The following DNAH5 variants were observed in gnomAD, a reference collection of about 807,000 sequenced individuals.
DNAH5 encodes the protein axonemal beta dynein heavy chain 5.
DNAH5 carries 372 observed loss-of-function variants against 518.2 expected under a neutral mutation model. The ratio of observed to expected loss-of-function variants is 0.72; its 90% CI spans 0.66 to 0.78. The LOEUF (loss-of-function observed/expected upper bound fraction) is 0.78. Among genes scored for constraint, DNAH5 ranks in the 30% least tolerant of loss-of-function variants. The pLI is 0.00. For missense variants in DNAH5, 5,523 were observed against 5,687.0 expected (o/e 0.97, Z 0.93); for synonymous variants, 2,039 against 2,025.9 (o/e 1.01, Z -0.17).
intron 31 of DNAH5, among the ~76,000 whole-genome samples, chr5:13,849,033 C>T (rs1056727176): frequency 2.6e-5 from 4 of 152,228 alleles, no homozygotes; most frequent in Non-Finnish European, 4.4e-5. Flanking sequence ...GGGTGGACAA[C>T]CATGTACGCA....
Position 13,842,422 on chromosome 5 carries a change from GA to G in DNAH5, c.5272-519del, listed in dbSNP as rs1223116727. Among the ~76,000 whole-genome samples the G allele has an allele frequency of 8.4e-3, 211 of 25,076 alleles. 1 individual carries two copies. Among genetic ancestry groups the G allele is most frequent in the African/African-American group, 0.014 (81 of 5,654 alleles). The allele number at this position is 25,076 out of a possible 152,430, so 16.5% of individuals were successfully genotyped here. On this transcript the variant is annotated intron_variant, in intron 32 of 78. Transcript: ENST00000265104. ...AAACAGAGCGAGAAAGAAAAGAAAA[GA>G]AAAGAAAGAAAGAAAGAAAGAAAGA...
intron 55 of DNAH5, 49 bp from the exon 56 acceptor site, chr5:13,771,029 CT>C: frequency 6.9e-7 from 1 of 1,441,694 alleles, no homozygotes; most frequent in Non-Finnish European, 9.7e-7. Context: ...GTAAGTTACC[CT>C]TTTAAAAGTT....
chr5:13,815,451 C>T (rs1761328805), intron 42 of DNAH5, among the ~76,000 whole-genome samples: 1 of 152,116 alleles, frequency 6.6e-6, no homozygotes, highest in Admixed American at 6.5e-5. Flanking sequence ...ATAAAGAGAC[C>T]TCAGAGAACT....
chr5:13,950,865 AC>A (rs1355431039), intron 1 of DNAH5, among the ~76,000 whole-genome samples: 1 of 152,126 alleles, frequency 6.6e-6, no homozygotes, highest in Non-Finnish European at 1.5e-5. Context: ...GAAAAAAAAA[AC>A]TTCTTTATTA....
intron 1 of DNAH5, among the ~76,000 whole-genome samples, chr5:13,958,967 T>C (rs1165569035): frequency 6.6e-6 from 1 of 152,152 alleles, no homozygotes; most frequent in Non-Finnish European, 1.5e-5. Context: ...TTGTTGTTGT[T>C]GTTGTTGTTG....
chr5:13,722,484 C>G (rs950417940), intron 70 of DNAH5, among the ~76,000 whole-genome samples: 3 of 151,638 alleles, frequency 2.0e-5, no homozygotes, highest in Non-Finnish European at 2.9e-5. Context: ...TGGCTTACTA[C>G]GTCCTCTCAT....
intron 53 of DNAH5, among the ~76,000 whole-genome samples, chr5:13,778,596 A>AAG (rs199841746): frequency 0.061 from 6,216 of 101,608 alleles, 527 homozygotes; most frequent in South Asian, 0.13. Flanking sequence ...GAAAGAAAGA[A>AAG]AGAGAGAGAG....
chr5:13,860,831 A>G (rs1768313970), intron 29 of DNAH5, among the ~76,000 whole-genome samples: 1 of 152,184 alleles, frequency 6.6e-6, no homozygotes, highest in South Asian at 2.1e-4. Flanking sequence ...TCTCTTTCTT[A>G]TCCCTTCATG....
intron 22 of DNAH5, among the ~76,000 whole-genome samples, chr5:13,873,987 C>G (rs1770513287): frequency 6.6e-6 from 1 of 152,110 alleles, no homozygotes; most frequent in Non-Finnish European, 1.5e-5. Context: ...GTAAATTGCA[C>G]CAAGCTGCAC....
intron 11 of DNAH5, among the ~76,000 whole-genome samples, chr5:13,912,370 T>C (rs561923018): frequency 6.6e-6 from 1 of 152,172 alleles, no homozygotes; most frequent in South Asian, 2.1e-4. Flanking sequence ...TACTTTTTCA[T>C]GCTGCATAAC....
intron 31 of DNAH5, among the ~76,000 whole-genome samples, chr5:13,849,985 A>C (rs1766594065): frequency 6.6e-6 from 1 of 152,208 alleles, no homozygotes; most frequent in Non-Finnish European, 1.5e-5. Context: ...ATTACAGGTC[A>C]TGAGGCCATC....
At chr5:13,793,163 TG>T (rs1197366472) in intron 49 of DNAH5, among the ~76,000 whole-genome samples, 1 of 152,178 alleles carries the variant, frequency 6.6e-6, no homozygotes, top group Non-Finnish European at 1.5e-5. Flanking sequence ...ACTTTCGACA[TG>T]GAACATAGCA....
chr5:13,779,961 A>G (rs1754849686), intron 53 of DNAH5, among the ~76,000 whole-genome samples: 1 of 152,050 alleles, frequency 6.6e-6, no homozygotes, highest in Non-Finnish European at 1.5e-5. Context: ...CCTCCCTAGG[A>G]GCAACTCATC....
intron 61 of DNAH5, 36 bp downstream of exon 61, chr5:13,758,810 T>C (rs758208050): frequency 1.2e-6 from 2 of 1,613,924 alleles, no homozygotes; most frequent in South Asian, 1.1e-5. Flanking sequence ...GCCGTGTAGA[T>C]ATGTGACAGT....
Position 13,928,166 on chromosome 5 carries a change from C to G in DNAH5, c.205G>C (p.Asp69His), listed in dbSNP as rs1778074228. ...AGACCTCCAACAGCAAAAAGTTGATCAATTCTTTCAATCTGGGAAAAAGAA... is the reference window on the plus strand; with the variant it reads ...AGACCTCCAACAGCAAAAAGTTGATGAATTCTTTCAATCTGGGAAAAAGAA... ...ILEGNQIERI[D>H]QLFAVGGLRH... The change falls in exon 3 of 79, where the codon GAT becomes CAT. Residue 69 changes from aspartate to histidine, a missense_variant. Physicochemically the swap from Asp to His is moderately conservative, Grantham distance 81. Transcript: ENST00000265104. 1.2e-6 allele frequency: 2 copies of G among 1,612,936 alleles called. No individual in the cohort carries two copies. The highest frequency in any genetic ancestry group is 2.2e-5 in the South Asian group (2 of 91,054).
intron 1 of DNAH5, among the ~76,000 whole-genome samples, chr5:14,007,507 C>T (rs1385963299): frequency 6.6e-6 from 1 of 152,206 alleles, no homozygotes; most frequent in Non-Finnish European, 1.5e-5. Context: ...TTCATGTTAC[C>T]TCCTCAGAGC....
At chr5:13,759,052 G>A (rs58793965) in intron 60 of DNAH5, 69 bp from the exon 61 acceptor site, 2 of 1,589,616 alleles carry the variant, frequency 1.3e-6, no homozygotes, top group African/African-American at 1.5e-5. Flanking sequence ...TTCAGGGTCT[G>A]AGAACTCAGC....
chr5:13,736,045 G>A lies in DNAH5; in HGVS notation c.11456-113C>T. ...AACAACAACTTTTATTTTAGGCAGT[G>A]GCTGCCTACCAGATACGGGATACAA... is the stretch of plus-strand genomic sequence containing the variant. On this transcript the variant is annotated intron_variant, in intron 66 of 78. Transcript: ENST00000265104. 14 of 792,398 alleles carry A rather than the reference G, an allele frequency of 1.8e-5. No individual in the cohort carries two copies. In the South Asian group the frequency reaches 2.0e-4, roughly 11 times the overall value. 49.1% of individuals were successfully genotyped at this position (792,398 alleles called of 1,614,324 possible).
At chr5:13,713,458 T>TCGAC in intron 75 of DNAH5, among the ~76,000 whole-genome samples, 1 of 132,188 alleles carries the variant, frequency 7.6e-6, no homozygotes, top group African/African-American at 3.1e-5. Context: ...TATATATATA[T>TCGAC]ATATATATAC....
Sources: allele counts gnomAD v4.1 joint callset (sites outside exome capture counted in the v4.1 genomes callset), GRCh38; gene constraint gnomAD v4.1.1; transcripts MANE v1.5; gene names NCBI Gene and HGNC (gene_info 2026-07-23, HGNC 2026-07-21).